PDE1A: variants seen among roughly 807,000 people sequenced by gnomAD.
PDE1A encodes dual specificity calcium/calmodulin-dependent 3',5'-cyclic nucleotide phosphodiesterase 1A.
Under a neutral mutation model 61.7 loss-of-function variants are expected in PDE1A, and 35 were observed. The ratio of observed to expected loss-of-function variants is 0.57; its 90% CI spans 0.43 to 0.75. The LOEUF (loss-of-function observed/expected upper bound fraction) is 0.75. PDE1A is among the 30% of genes least tolerant of loss of function. The pLI is 0.00. For missense variants in PDE1A, 597 were observed against 630.6 expected, an observed-to-expected ratio of 0.95 and a Z score of 0.57; for synonymous variants, 232 against 213.2, an observed-to-expected ratio of 1.09 and a Z score of -0.77.
intron 13 of PDE1A, among the ~76,000 whole-genome samples, chr2:182,156,341 T>C (rs1054045481): frequency 5.3e-5 from 8 of 151,956 alleles, no homozygotes. Flanking sequence ...TATCATCTTA[T>C]CCTTTCAACA....
intron 1 of PDE1A, among the ~76,000 whole-genome samples, chr2:182,392,251 C>A (rs762842092): frequency 1.8e-4 from 28 of 152,134 alleles, no homozygotes; most frequent in African/African-American, 6.5e-4. Context: ...AACAAAGGCA[C>A]CTCTTACATG....
intron 1 of PDE1A, 142 bp from the exon 2 acceptor site, chr2:182,264,556 T>A (rs1212692485): frequency 2.7e-5 from 16 of 585,568 alleles, no homozygotes; most frequent in Non-Finnish European, 4.5e-5. Flanking sequence ...TTTTCAGATT[T>A]TTTTTTGATA....
At chr2:182,253,394 G>T (rs1197772252) in intron 2 of PDE1A, among the ~76,000 whole-genome samples, 2 of 152,092 alleles carry the variant, frequency 1.3e-5, no homozygotes, top group East Asian at 3.9e-4. Context: ...GGTTTCCTTT[G>T]TCTTTCTACA....
Position 182,221,534 on chromosome 2 carries a change from C to A in PDE1A, c.776+2330G>T, listed in dbSNP as rs113641187. On this transcript the variant is annotated intron_variant, in intron 7 of 13. Coordinates refer to ENST00000351439, the Ensembl canonical transcript of PDE1A. ...GGGTAGAAAAACAACATTCCTGCTACATAACCAGACTCTGACGTTTTCCTT... is the reference window on the plus strand; with the variant it reads ...GGGTAGAAAAACAACATTCCTGCTAAATAACCAGACTCTGACGTTTTCCTT... Among the ~76,000 whole-genome samples, 6 of 152,174 alleles carry A rather than the reference C, an allele frequency of 3.9e-5. 1 individual carries two copies. The highest frequency in any genetic ancestry group is 1.4e-4 in the African/African-American group (6 of 41,538).
chr2:182,595,714 A>G, the PDE1A span, among the ~76,000 whole-genome samples: 1 of 152,102 alleles, frequency 6.6e-6, no homozygotes, highest in Non-Finnish European at 1.5e-5. Context: ...ACCAAACTAA[A>G]ATTCAGCTTT....
intron 1 of PDE1A, among the ~76,000 whole-genome samples, chr2:182,377,224 C>T (rs1285750990): frequency 1.3e-5 from 2 of 152,174 alleles, no homozygotes; most frequent in Non-Finnish European, 2.9e-5. Context: ...GGGTGGCTCC[C>T]TCCTGGCTTG....
intron 1 of PDE1A, among the ~76,000 whole-genome samples, chr2:182,386,026 T>G (rs1471629311): frequency 1.3e-5 from 2 of 152,308 alleles, no homozygotes; most frequent in East Asian, 3.9e-4. Context: ...CGCCTGACTG[T>G]GTTTTTTTGG....
At chr2:182,332,932 T>C (rs1697519078) in intron 1 of PDE1A, among the ~76,000 whole-genome samples, 1 of 152,108 alleles carries the variant, frequency 6.6e-6, no homozygotes, top group Admixed American at 6.6e-5. Flanking sequence ...ATTGCAATCC[T>C]AGTGTCTGAT....
chr2:182,213,250 A>G (rs1350299169), intron 7 of PDE1A, among the ~76,000 whole-genome samples: 1 of 145,596 alleles, frequency 6.9e-6, no homozygotes, highest in Non-Finnish European at 1.5e-5. Flanking sequence ...GGACATCCAC[A>G]CCAAAAACCC....
the PDE1A span, among the ~76,000 whole-genome samples, chr2:182,612,888 C>A: frequency 1.3e-5 from 2 of 152,116 alleles, no homozygotes; most frequent in Admixed American, 1.3e-4. Flanking sequence ...TAACCATTTG[C>A]GAGATCGGCC....
chr2:182,479,566 T>C (rs894327950), intron 2 of PDE1A, among the ~76,000 whole-genome samples: 4 of 151,704 alleles, frequency 2.6e-5, no homozygotes, highest in African/African-American at 9.7e-5. Context: ...CAGCCAGACT[T>C]AGGACACATG....
chr2:182,604,314 T>A, the PDE1A span, among the ~76,000 whole-genome samples: 1 of 152,318 alleles, frequency 6.6e-6, no homozygotes, highest in East Asian at 1.9e-4. Context: ...AAGCCATTCC[T>A]AAACTAGCAA....
At chr2:182,227,092 A>G (rs775160453) in intron 6 of PDE1A, among the ~76,000 whole-genome samples, 1 of 152,042 alleles carries the variant, frequency 6.6e-6, no homozygotes, top group African/African-American at 2.4e-5. Context: ...ATGCAAACCC[A>G]AATCTGTCTG....
chr2:182,194,370 C>T (rs1433880484), intron 10 of PDE1A, among the ~76,000 whole-genome samples: 2 of 152,038 alleles, frequency 1.3e-5, no homozygotes, highest in Non-Finnish European at 2.9e-5. Flanking sequence ...CCAATGATTA[C>T]TTTTTTGGCT....
At chr2:182,483,356 C>G (rs1201819964) in intron 2 of PDE1A, among the ~76,000 whole-genome samples, 3 of 151,894 alleles carry the variant, frequency 2.0e-5, no homozygotes, top group African/African-American at 7.2e-5. Flanking sequence ...CTCCACCCAA[C>G]AAAGCGAAAT....
rs1304482980 is a variant in PDE1A, at chr2:182,451,134, TTTGGG to T, written c.101+71137_101+71141del. Among the ~76,000 whole-genome samples, 13 of 18,496 alleles carry T rather than the reference TTTGGG, an allele frequency of 7.0e-4. 1 individual carries two copies. The highest frequency in any genetic ancestry group is 9.5e-4 in the African/African-American group (5 of 5,240). 12.1% of individuals were successfully genotyped at this position (18,496 alleles called of 152,430 possible). A position where few individuals can be genotyped will look rare whatever the true frequency, so the allele number is the denominator to read the frequency against. On this transcript the variant is annotated intron_variant, in intron 2 of 14. Transcript: ENST00000410103. The stretch of plus-strand genomic sequence containing the variant: ...TGGCTCACGCCTGTAATCCCAGCAC[TTTGGG>T]AGGCCGAGGCGGGCGGATCACGAAG...
chr2:182,208,822 G>T (rs888139732), intron 7 of PDE1A, among the ~76,000 whole-genome samples: 1 of 152,190 alleles, frequency 6.6e-6, no homozygotes, highest in African/African-American at 2.4e-5. Context: ...CAGTCCCTTT[G>T]TTTGGGCCAA....
At chr2:182,391,873 A>C (rs561038088) in intron 1 of PDE1A, among the ~76,000 whole-genome samples, 11 of 152,332 alleles carry the variant, frequency 7.2e-5, no homozygotes, top group African/African-American at 1.9e-4. Flanking sequence ...TAATTTGTAC[A>C]TGCAGAAAAC....
intron 2 of PDE1A, among the ~76,000 whole-genome samples, chr2:182,442,606 G>A (rs910526420): frequency 6.6e-6 from 1 of 151,864 alleles, no homozygotes; most frequent in Non-Finnish European, 1.5e-5. Context: ...ATATTTATAT[G>A]CATGTTTAAT....
Sources: gnomAD v4.1 joint callset for allele counts (sites outside exome capture counted in the v4.1 genomes callset) on GRCh38, gnomAD v4.1.1 for gene constraint, MANE v1.5 for transcripts, NCBI Gene and HGNC (gene_info 2026-07-23, HGNC 2026-07-21) for gene names.